Variants in ITGB8 observed in about 807,000 individuals in gnomAD.
ITGB8 encodes the protein integrin subunit beta 8, also known as integrin beta-8.
A neutral mutation model predicts 89.5 loss-of-function variants in ITGB8; 30 were observed. That is an observed-to-expected ratio of 0.34 (90% CI 0.25 to 0.45). ITGB8 has a LOEUF of 0.45. ITGB8 is among the 20% of genes least tolerant of loss of function. The probability of loss-of-function intolerance (pLI) is 1.00; values close to 1 mark genes in which losing one functional copy is unlikely to be tolerated. For missense variants in ITGB8, 836 were observed against 933.3 expected, an observed-to-expected ratio of 0.90 and a Z score of 1.36; for synonymous variants, 335 against 320.4, an observed-to-expected ratio of 1.05 and a Z score of -0.49.
At chr7:20,397,046 C>G (rs1430928921) in intron 8 of ITGB8, among the ~76,000 whole-genome samples, 1 of 152,116 alleles carries the variant, frequency 6.6e-6, no homozygotes, top group African/African-American at 2.4e-5. Context: ...AATCAATTCA[C>G]AATCCATTGA....
Position 20,402,001 on chromosome 7 carries a change from G to A in ITGB8, c.1562G>A (p.Ser521Asn). Residue 521 changes from serine to asparagine, a missense_variant, in exon 10 of 14, where the codon AGT becomes AAT. Ser to Asn is a conservative substitution (Grantham distance 46). Around this residue, in one of 5 missense-constraint regions of ITGB8, gnomAD observed 422 missense variants for 416.9 expected, o/e 1.01. Coordinates refer to ENST00000222573, the MANE Select transcript of ITGB8 (RefSeq NM_002214.3). Reference sequence around the variant, plus strand: ...TCACACAAGGATCAGCCTGTTTGCAGTGGTCGAGGAGTTTGTGTTTGTGGG... The same window carrying A: ...TCACACAAGGATCAGCCTGTTTGCAATGGTCGAGGAGTTTGTGTTTGTGGG... ...CKSHKDQPVC[S>N]GRGVCVCGKC... is the part of the protein sequence containing the mutation. 1 of 1,614,196 alleles carries A rather than the reference G, an allele frequency of 6.2e-7. No individual in the cohort carries two copies. Among genetic ancestry groups the A allele is most frequent in the Non-Finnish European group, 8.5e-7 (1 of 1,180,020 alleles).
chr7:20,335,633 C>G lies in ITGB8; in HGVS notation c.127+3700C>G, dbSNP rs1037762508. Among the ~76,000 whole-genome samples the G allele has an allele frequency of 3.3e-5, 5 of 152,156 alleles. No individual in the cohort carries two copies. In the South Asian group the frequency reaches 6.2e-4, roughly 19 times the overall value. ...TTTTTCTCTCCTTTTGCTATAAGTC[C>G]TTGAAAGAGTTGTCCGTAACTCCTC... On this transcript the variant is annotated intron_variant, in intron 1 of 13. Coordinates refer to ENST00000222573, the MANE Select transcript of ITGB8 (RefSeq NM_002214.3).
At chr7:20,330,818 C>G (rs1011174686), upstream of ITGB8, 1 of 152,292 alleles carries the variant, frequency 6.6e-6, no homozygotes, top group Non-Finnish European at 1.5e-5. Flanking sequence ...GGTCTGGAGC[C>G]CCCCGGGGGG....
At chr7:20,406,367 G>A (rs1434361265) in intron 12 of ITGB8, among the ~76,000 whole-genome samples, 196 bp downstream of exon 12, 2 of 152,074 alleles carry the variant, frequency 1.3e-5, no homozygotes, top group Non-Finnish European at 2.9e-5. Flanking sequence ...CCTGGCCAAC[G>A]TGGTGAAACC....
At position 20,332,159 on chromosome 7, in the gene ITGB8, C is replaced by G. The variant is rs206199; in HGVS notation, c.127+226C>G. On this transcript the variant is annotated intron_variant, in intron 1 of 13. Transcript: ENST00000222573. ...AGGACTAATTATCAGAGGAGACACT[C>G]TGTGTTACTCCTAGGTGTTGAGGAA... 454,732 of 967,800 alleles carry G rather than the reference C, an allele frequency of 0.47. 112,079 individuals carry two copies. Among genetic ancestry groups the G allele is most frequent in the African/African-American group, 0.72 (43,531 of 60,634 alleles). The allele number at this position is 967,800 out of a possible 1,614,324, so 60.0% of individuals were successfully genotyped here.
At position 20,404,795 on chromosome 7, in the gene ITGB8, A is replaced by G; in HGVS notation, c.1855A>G (p.Ser619Gly). 6.2e-7 allele frequency: 1 copy of G among 1,614,168 alleles called. No homozygotes were observed. Among genetic ancestry groups the G allele is most frequent in the Non-Finnish European group, 8.5e-7 (1 of 1,180,046 alleles). The part of the protein sequence containing the change: ...CGRCECTDPR[S>G]IGRFCEHCPT... ...AAGGTGTGAGTGCACCGATCCCAGG[A>G]GCATCGGCCGCTTCTGTGAACACTG... The change falls in exon 11 of 14, where the codon AGC (serine) becomes GGC (glycine). Residue 619 changes from serine to glycine, a missense_variant. Around this residue, in one of 5 missense-constraint regions of ITGB8, gnomAD observed 422 missense variants for 416.9 expected, o/e 1.01. Coordinates refer to ENST00000222573, the MANE Select transcript of ITGB8 (RefSeq NM_002214.3).
chr7:20,360,656 T>G lies in ITGB8; in HGVS notation c.128-2981T>G, dbSNP rs142996792. 2.6e-4 allele frequency among the ~76,000 whole-genome samples: 32 copies of G among 123,480 alleles called. No homozygotes were observed. In the East Asian group the frequency reaches 5.0e-3, roughly 19 times the overall value. The allele number at this position is 123,480 out of a possible 152,430, so 81.0% of individuals were successfully genotyped here. ...ATAATGGCCTCCAATTCCATCCAAGTTGCTGCAAAGGACATTATTTTTTTA... is the reference window on the plus strand; with the variant it reads ...ATAATGGCCTCCAATTCCATCCAAGGTGCTGCAAAGGACATTATTTTTTTA... On this transcript the variant is annotated intron_variant, in intron 1 of 13. Transcript: ENST00000222573.
upstream of ITGB8, chr7:20,329,777 C>T (rs1303003041): frequency 6.6e-6 from 1 of 152,152 alleles, no homozygotes; most frequent in Non-Finnish European, 1.5e-5. Context: ...GGAATCGCTC[C>T]TGCCCCTAGA....
At chr7:20,386,290 G>A (rs1387015092) in intron 6 of ITGB8, among the ~76,000 whole-genome samples, 1 of 149,188 alleles carries the variant, frequency 6.7e-6, no homozygotes, top group Admixed American at 6.7e-5. Context: ...CCAGGCTGGA[G>A]TACAGTGGCA....
chr7:20,409,932 C>T lies in ITGB8; in HGVS notation c.2245C>T (p.Pro749Ser), dbSNP rs759121054. 1 of 1,613,418 alleles carries T rather than the reference C, an allele frequency of 6.2e-7. No homozygotes were observed. Among genetic ancestry groups the T allele is most frequent in the Admixed American group, 1.7e-5 (1 of 59,982 alleles). ...TRAVTYRREK[P>S]EEIKMDISKL... ...AGCAGTCACCTACCGACGTGAGAAG[C>T]CTGAAGAAATAAAAATGGATATCAG... The change falls in exon 14 of 14, where the codon CCT (proline) becomes TCT (serine). Residue 749 changes from proline to serine, a missense_variant. Coordinates refer to ENST00000222573, the MANE Select transcript of ITGB8 (RefSeq NM_002214.3).
rs746674277 is a variant in ITGB8, at chr7:20,367,124, C to T, written c.326C>T (p.Pro109Leu). The T allele has an allele frequency of 6.2e-7, 1 of 1,611,440 alleles. No individual in the cohort carries two copies. The highest frequency in any genetic ancestry group is 2.2e-5 in the East Asian group (1 of 44,804). ...TACCCATCTGTGCATGTTATAATAC[C>T]CACTGAAAATGAAATTAATACCCAG... is the stretch of plus-strand genomic sequence containing the variant. ...IEYPSVHVII[P>L]TENEINTQVT... The change falls in exon 3 of 14, where the codon CCC (proline) becomes CTC (leucine). Residue 109 changes from proline to leucine, a missense_variant. This residue lies in a region of ITGB8 where 182 missense variants were observed against 177.0 expected (regional missense o/e 1.03). Coordinates refer to ENST00000222573, the MANE Select transcript of ITGB8 (RefSeq NM_002214.3).
intron 1 of ITGB8, among the ~76,000 whole-genome samples, chr7:20,347,519 G>C (rs1305394293): frequency 6.6e-6 from 1 of 152,186 alleles, no homozygotes; most frequent in Admixed American, 6.6e-5. Flanking sequence ...AAAGCAAAAA[G>C]TCTTGGTGAC....
At chr7:20,348,722 G>A (rs920782504) in intron 1 of ITGB8, among the ~76,000 whole-genome samples, 1 of 152,138 alleles carries the variant, frequency 6.6e-6, no homozygotes, top group Non-Finnish European at 1.5e-5. Flanking sequence ...AAAGATGGGG[G>A]AGCATATAAA....
At chr7:20,332,013 A>T in intron 1 of ITGB8, 80 bp downstream of exon 1, 1 of 1,548,410 alleles carries the variant, frequency 6.5e-7, no homozygotes, top group Non-Finnish European at 8.7e-7. Context: ...CGGCCAGAGC[A>T]TCCCGGCCAG....
chr7:20,394,531 T>C (rs1786991650), intron 7 of ITGB8, among the ~76,000 whole-genome samples: 1 of 152,252 alleles, frequency 6.6e-6, no homozygotes. Context: ...AGAAACCATA[T>C]GCAGAACTTC....
At chr7:20,335,994 G>C (rs1421120097) in intron 1 of ITGB8, among the ~76,000 whole-genome samples, 1 of 127,300 alleles carries the variant, frequency 7.9e-6, no homozygotes, top group African/African-American at 2.9e-5. Flanking sequence ...ATCCAGTCTT[G>C]GTTTTCTTTT....
chr7:20,363,583 A>G, intron 1 of ITGB8, 54 bp from the exon 2 acceptor site: 2 of 1,077,332 alleles, frequency 1.9e-6, no homozygotes, highest in South Asian at 1.6e-5. Flanking sequence ...GTCTAGAATT[A>G]TATACGCTTT....
intron 1 of ITGB8, among the ~76,000 whole-genome samples, chr7:20,357,087 TC>T (rs2128134180): frequency 6.6e-6 from 1 of 152,298 alleles, no homozygotes; most frequent in East Asian, 1.9e-4. Flanking sequence ...AGGGGTCATT[TC>T]ACATATGTCA....
chr7:20,369,155 A>G (rs1394557285), intron 3 of ITGB8, among the ~76,000 whole-genome samples: 2 of 152,206 alleles, frequency 1.3e-5, no homozygotes, highest in Non-Finnish European at 2.9e-5. Context: ...TTCCTTCAAC[A>G]GGATTTTCAA....
Sources: gnomAD v4.1 joint callset for allele counts (sites outside exome capture counted in the v4.1 genomes callset) on GRCh38, gnomAD v4.1.1 for gene constraint, gnomAD v4.1.1 regional missense constraint, MANE v1.5 for transcripts, NCBI Gene and HGNC (gene_info 2026-07-23, HGNC 2026-07-21) for gene names.